SIRPG: variants seen among roughly 807,000 people sequenced by gnomAD.
The protein encoded by SIRPG is signal-regulatory protein gamma.
A neutral mutation model predicts 35.7 loss-of-function variants in SIRPG; 38 were observed. The ratio of observed to expected loss-of-function variants is 1.06; its 90% CI spans 0.82 to 1.40. The LOEUF (loss-of-function observed/expected upper bound fraction) is 1.40, where lower values mean the gene tolerates loss of function less well. Among genes scored for constraint, SIRPG ranks in the 40% most tolerant of loss-of-function variants. The probability of loss-of-function intolerance (pLI) is 0.00; values close to 1 mark genes in which losing one functional copy is unlikely to be tolerated. For missense variants in SIRPG, 519 were observed against 483.0 expected (o/e 1.07, Z -0.70); for synonymous variants, 215 against 190.4 (o/e 1.13, Z -1.06).
At chr20:1,632,352 C>G (rs182199482) in intron 4 of SIRPG, among the ~76,000 whole-genome samples, 7 of 152,296 alleles carry the variant, frequency 4.6e-5, no homozygotes, top group African/African-American at 1.4e-4. Flanking sequence ...TCACCTAACC[C>G]TAGTGCACAG....
At chr20:1,650,061 TTA>T (rs564588652) in intron 1 of SIRPG, among the ~76,000 whole-genome samples, 3 of 143,540 alleles carry the variant, frequency 2.1e-5, no homozygotes, top group Non-Finnish European at 4.5e-5. Flanking sequence ...TTTATATATT[TTA>T]TATATATATA....
intron 2 of SIRPG, among the ~76,000 whole-genome samples, chr20:1,638,214 T>G (rs1409810036): frequency 6.6e-6 from 1 of 152,100 alleles, no homozygotes; most frequent in Non-Finnish European, 1.5e-5. Context: ...TGTGAGTCCC[T>G]TATAGGACCA....
the SIRPG span, among the ~76,000 whole-genome samples, chr20:1,685,560 G>A: frequency 6.6e-6 from 1 of 152,146 alleles, no homozygotes; most frequent in Non-Finnish European, 1.5e-5. Context: ...GCCTCCAAAA[G>A]TGCAAGGAAG....
intron 1 of SIRPG, among the ~76,000 whole-genome samples, chr20:1,649,899 G>A (rs1196806964): frequency 6.7e-6 from 1 of 149,398 alleles, no homozygotes; most frequent in African/African-American, 2.5e-5. Flanking sequence ...CCATAGTGCT[G>A]GGATGACAGG....
At chr20:1,629,813 T>C (rs2091734377) in intron 5 of SIRPG, among the ~76,000 whole-genome samples, 177 bp from the exon 6 acceptor site, 1 of 152,076 alleles carries the variant, frequency 6.6e-6, no homozygotes, top group Non-Finnish European at 1.5e-5. Context: ...CTTTCCAATA[T>C]TCCTTCCACT....
chr20:1,679,060 T>C, the SIRPG span, among the ~76,000 whole-genome samples: 203 of 152,294 alleles, frequency 1.3e-3, no homozygotes, highest in African/African-American at 4.0e-3. Context: ...CTTGCGTGAA[T>C]AGCACGATGT....
At position 1,657,644 on chromosome 20, in the gene SIRPG, G is replaced by C. The variant is rs753560324; in HGVS notation, c.71C>G (p.Thr24Arg). 1 of 1,614,150 alleles carries C rather than the reference G, an allele frequency of 6.2e-7. No individual in the cohort carries two copies. Among genetic ancestry groups the C allele is most frequent in the South Asian group, 1.1e-5 (1 of 91,090 alleles). ...TTCTAGCCCAATGCAATGCTCACCT[G>C]TAAGTCCCAGCAGTAGAGTCAGAAG... is the stretch of plus-strand genomic sequence containing the variant. Reference protein sequence around the residue: ...FLLLTLLLGLTEVAGEEELQM... With the variant: ...FLLLTLLLGLREVAGEEELQM... The change falls in exon 1 of 6, where the codon ACA (threonine) becomes AGA (arginine). Residue 24 changes from threonine (T) to arginine (R), a missense_variant and splice_region_variant. Coordinates refer to ENST00000303415, the MANE Select transcript of SIRPG (RefSeq NM_018556.4).
intron 4 of SIRPG, among the ~76,000 whole-genome samples, chr20:1,632,298 G>C (rs912807450): frequency 4.6e-5 from 7 of 152,278 alleles, no homozygotes; most frequent in Non-Finnish European, 1.0e-4. Context: ...TACTTGAAGA[G>C]AGAAAGCCAA....
chr20:1,631,025 G>A (rs2091745620), intron 4 of SIRPG, among the ~76,000 whole-genome samples: 1 of 152,174 alleles, frequency 6.6e-6, no homozygotes, highest in South Asian at 2.1e-4. Context: ...CAGTGCAGGT[G>A]TCATCTGAAA....
the SIRPG span, among the ~76,000 whole-genome samples, chr20:1,672,465 A>G: frequency 2.0e-5 from 3 of 152,234 alleles, no homozygotes; most frequent in Non-Finnish European, 2.9e-5. Flanking sequence ...ATGTTGCTGT[A>G]GATCTGAGTA....
the SIRPG span, among the ~76,000 whole-genome samples, chr20:1,678,764 G>C: frequency 1.1e-3 from 161 of 152,244 alleles, no homozygotes; most frequent in African/African-American, 3.8e-3. Flanking sequence ...TAAAGTCAAA[G>C]AGACCCACAT....
the SIRPG span, among the ~76,000 whole-genome samples, chr20:1,667,846 G>A: frequency 6.6e-6 from 1 of 152,130 alleles, no homozygotes; most frequent in African/African-American, 2.4e-5. Flanking sequence ...TGCACAGAGG[G>A]GAAGTCCCTA....
At chr20:1,657,983 C>T (rs2091985298), upstream of SIRPG, among the ~76,000 whole-genome samples, 1 of 152,132 alleles carries the variant, frequency 6.6e-6, no homozygotes, top group African/African-American at 2.4e-5. Flanking sequence ...GACCTGTGCT[C>T]CCTCCTCGTG....
intron 2 of SIRPG, among the ~76,000 whole-genome samples, chr20:1,639,835 A>C (rs988294900): frequency 1.3e-5 from 2 of 152,210 alleles, no homozygotes; most frequent in Admixed American, 1.3e-4. Flanking sequence ...AGTTTTCTGC[A>C]TATGGCTAAC....
At chr20:1,669,741 T>A in the SIRPG span, among the ~76,000 whole-genome samples, 1 of 152,206 alleles carries the variant, frequency 6.6e-6, no homozygotes, top group African/African-American at 2.4e-5. Flanking sequence ...TCTACCAAGT[T>A]GTGCATCAAA....
At chr20:1,669,068 C>T in the SIRPG span, among the ~76,000 whole-genome samples, 2 of 152,144 alleles carry the variant, frequency 1.3e-5, no homozygotes, top group African/African-American at 2.4e-5. Context: ...GGAAACAGGA[C>T]ATATTTTGGT....
chr20:1,649,557 C>G, intron 1 of SIRPG, 149 bp from the exon 2 acceptor site: 1 of 693,532 alleles, frequency 1.4e-6, no homozygotes, highest in Non-Finnish European at 2.4e-6. Flanking sequence ...TCTCATTTAA[C>G]CCTCACAACA....
the SIRPG span, among the ~76,000 whole-genome samples, chr20:1,685,501 A>G: frequency 6.6e-6 from 1 of 152,166 alleles, no homozygotes; most frequent in African/African-American, 2.4e-5. Context: ...AGCCAGTAAG[A>G]AAGACCTCAG....
At chr20:1,651,929 C>T (rs1383054516) in intron 1 of SIRPG, among the ~76,000 whole-genome samples, 9 of 152,188 alleles carry the variant, frequency 5.9e-5, no homozygotes, top group Non-Finnish European at 1.0e-4. Context: ...ATCACATAAT[C>T]CAGCATCTCT....
Sources: allele counts gnomAD v4.1 joint callset (sites outside exome capture counted in the v4.1 genomes callset), GRCh38; gene constraint gnomAD v4.1.1; transcripts MANE v1.5; gene names NCBI Gene and HGNC (gene_info 2026-07-23, HGNC 2026-07-21).